The following CACHD1 variants were observed in gnomAD, a reference collection of about 807,000 sequenced individuals.
The protein encoded by CACHD1 is VWFA and cache domain-containing protein 1.
In CACHD1, 71 loss-of-function variants were observed where a neutral mutation model predicts 138.7. That is an observed-to-expected ratio of 0.51 (90% CI 0.42 to 0.62). The LOEUF is 0.62. CACHD1 is among the 20% of genes least tolerant of loss of function. CACHD1 has a pLI of 0.00. For synonymous variants in CACHD1, 578 were observed against 591.5 expected (o/e 0.98, Z 0.33); for missense variants, 1,389 against 1,625.3 (o/e 0.85, Z 2.50).
chr1:64,475,799 C>T (rs1290205337), intron 1 of CACHD1, among the ~76,000 whole-genome samples: 4 of 152,106 alleles, frequency 2.6e-5, no homozygotes, highest in South Asian at 2.1e-4. Flanking sequence ...CCACCCGCCT[C>T]GGCCTCCCAA....
chr1:64,545,531 T>C (rs1399479643), intron 1 of CACHD1, among the ~76,000 whole-genome samples: 2 of 152,252 alleles, frequency 1.3e-5, no homozygotes, highest in East Asian at 3.8e-4. Context: ...TGTTGATGCA[T>C]GTTGCAATCG....
chr1:64,477,632 T>A (rs56048734), intron 1 of CACHD1, among the ~76,000 whole-genome samples: 8,552 of 140,846 alleles, frequency 0.061, 609 homozygotes, highest in African/African-American at 0.17. Flanking sequence ...TTATTTTATT[T>A]TATTTTTTTT....
intron 2 of CACHD1, among the ~76,000 whole-genome samples, chr1:64,570,428 T>C (rs140561215): frequency 0.012 from 1,869 of 152,254 alleles, 36 homozygotes; most frequent in African/African-American, 0.043. Context: ...ATTAGTTTAG[T>C]CCTTTTACAT....
intron 1 of CACHD1, among the ~76,000 whole-genome samples, chr1:64,479,771 C>G (rs1240344377): frequency 1.3e-5 from 2 of 152,154 alleles, no homozygotes; most frequent in African/African-American, 4.8e-5. Flanking sequence ...TGCTTGCCTA[C>G]TTCTTAAATA....
At chr1:64,475,171 C>CTTTTTTTTT (rs3078373) in intron 1 of CACHD1, among the ~76,000 whole-genome samples, 4 of 124,286 alleles carry the variant, frequency 3.2e-5, no homozygotes, top group Non-Finnish European at 4.8e-5. Flanking sequence ...AAATTCCTTC[C>CTTTTTTTTT]TTTTTTTTTT....
At chr1:64,690,228 T>C (rs1327308734) in intron 26 of CACHD1, among the ~76,000 whole-genome samples, 1 of 152,200 alleles carries the variant, frequency 6.6e-6, no homozygotes, top group Non-Finnish European at 1.5e-5. Context: ...AGCTAAATAA[T>C]TCTATCATTT....
intron 4 of CACHD1, among the ~76,000 whole-genome samples, chr1:64,605,636 A>T (rs2100585081): frequency 6.6e-6 from 1 of 152,298 alleles, no homozygotes. Context: ...AGGCTTGGGC[A>T]GACTGAGTGG....
chr1:64,471,626 CTT>C (rs1314048899), intron 1 of CACHD1, among the ~76,000 whole-genome samples: 1 of 152,218 alleles, frequency 6.6e-6, no homozygotes, highest in Non-Finnish European at 1.5e-5. Context: ...CTGGGGGACT[CTT>C]TTTGTTGCTT....
intron 1 of CACHD1, among the ~76,000 whole-genome samples, chr1:64,486,096 A>G (rs1013089083): frequency 1.3e-5 from 2 of 152,088 alleles, no homozygotes; most frequent in Admixed American, 1.3e-4. Flanking sequence ...TGTTTTAGTG[A>G]ATATTTCTCT....
chr1:64,545,068 T>C lies in CACHD1; in HGVS notation c.199-5526T>C, dbSNP rs183460446. On this transcript the variant is annotated intron_variant, in intron 1 of 26. Transcript: ENST00000651257. ...TATGGATTGGGGTTTAGATTTTTCTTTGAGTTTTTATAATAGCCCAGTTAC... is the reference window on the plus strand; with the variant it reads ...TATGGATTGGGGTTTAGATTTTTCTCTGAGTTTTTATAATAGCCCAGTTAC... Among the ~76,000 whole-genome samples, 410 of 152,312 alleles carry C rather than the reference T, an allele frequency of 2.7e-3. 2 individuals are homozygous for C. The highest frequency in any genetic ancestry group is 9.5e-3 in the African/African-American group (396 of 41,558).
intron 1 of CACHD1, among the ~76,000 whole-genome samples, chr1:64,488,370 G>T (rs1185181699): frequency 6.6e-6 from 1 of 152,058 alleles, no homozygotes; most frequent in Non-Finnish European, 1.5e-5. Context: ...GATTATATAG[G>T]ACTTGCATGT....
At chr1:64,537,666 A>G (rs1039475491) in intron 1 of CACHD1, among the ~76,000 whole-genome samples, 1 of 152,236 alleles carries the variant, frequency 6.6e-6, no homozygotes. Context: ...ATCATTAGGA[A>G]TGGGACCCAG....
intron 1 of CACHD1, among the ~76,000 whole-genome samples, chr1:64,512,941 A>C (rs1326520248): frequency 1.3e-5 from 2 of 152,168 alleles, no homozygotes; most frequent in Admixed American, 1.3e-4. Context: ...ATTTTCACAC[A>C]AGTTCATGCC....
At chr1:64,503,625 G>T (rs954818726) in intron 1 of CACHD1, among the ~76,000 whole-genome samples, 1 of 152,144 alleles carries the variant, frequency 6.6e-6, no homozygotes, top group African/African-American at 2.4e-5. Context: ...AAAAAGTTTT[G>T]TTTAACTCAT....
chr1:64,683,808 C>A (rs533233057), intron 26 of CACHD1, among the ~76,000 whole-genome samples: 1 of 152,184 alleles, frequency 6.6e-6, no homozygotes, highest in Non-Finnish European at 1.5e-5. Context: ...AATTTAAATG[C>A]GTGTTGGCAT....
At chr1:64,528,068 T>A (rs1341043347) in intron 1 of CACHD1, among the ~76,000 whole-genome samples, 1 of 152,226 alleles carries the variant, frequency 6.6e-6, no homozygotes, top group East Asian at 1.9e-4. Context: ...CCATTTATAA[T>A]GTGAGCAGCA....
At chr1:64,644,232 C>A (rs1648830745) in intron 8 of CACHD1, among the ~76,000 whole-genome samples, 1 of 152,190 alleles carries the variant, frequency 6.6e-6, no homozygotes, top group Admixed American at 6.5e-5. Context: ...TTCTTTCATT[C>A]ATGAGAGGTA....
At chr1:64,480,677 TA>T (rs1246429465) in intron 1 of CACHD1, among the ~76,000 whole-genome samples, 1 of 152,042 alleles carries the variant, frequency 6.6e-6, no homozygotes, top group Non-Finnish European at 1.5e-5. Flanking sequence ...TTTATTTTTT[TA>T]TTTTTTTTTT....
At chr1:64,561,742 C>T (rs1051500362) in intron 2 of CACHD1, among the ~76,000 whole-genome samples, 1 of 150,446 alleles carries the variant, frequency 6.6e-6, no homozygotes, top group African/African-American at 2.4e-5. Flanking sequence ...CCTGTAGTCC[C>T]AGCTATTCAG....
Sources: allele counts gnomAD v4.1 joint callset (sites outside exome capture counted in the v4.1 genomes callset), GRCh38; gene constraint gnomAD v4.1.1; transcripts MANE v1.5; gene names NCBI Gene and HGNC (gene_info 2026-07-23, HGNC 2026-07-21).